The following THADA variants were observed in gnomAD, a reference collection of about 807,000 sequenced individuals.
The protein encoded by THADA is THADA armadillo repeat containing, also known as tRNA (32-2'-O)-methyltransferase regulator THADA.
Under a neutral mutation model 219.8 loss-of-function variants are expected in THADA, and 213 were observed. The ratio of observed to expected loss-of-function variants is 0.97; its 90% CI spans 0.87 to 1.09. THADA has a LOEUF of 1.09. THADA is among the 50% of genes least tolerant of loss of function. THADA has a pLI of 0.00. For synonymous variants in THADA, 1,018 were observed against 828.9 expected, an observed-to-expected ratio of 1.23 and a Z score of -3.92; for missense variants, 2,956 against 2,311.3, an observed-to-expected ratio of 1.28 and a Z score of -5.72.
intron 8 of THADA, 75 bp downstream of exon 8, chr2:43,581,666 T>C (rs1700473236): frequency 1.5e-6 from 2 of 1,311,844 alleles, no homozygotes; most frequent in South Asian, 2.6e-5. Flanking sequence ...TTCACACTAT[T>C]AGTAGGAAAA....
chr2:43,524,226 T>C (rs1018543164), intron 22 of THADA, among the ~76,000 whole-genome samples: 1 of 152,262 alleles, frequency 6.6e-6, no homozygotes, highest in African/African-American at 2.4e-5. Context: ...ATTTGTGTTA[T>C]GTGTGTTGCA....
chr2:43,569,974 G>C (rs1699112659), intron 14 of THADA, among the ~76,000 whole-genome samples: 2 of 152,156 alleles, frequency 1.3e-5, no homozygotes, highest in Non-Finnish European at 2.9e-5. Context: ...TCCCTCCACA[G>C]CTGGACCATG....
intron 30 of THADA, among the ~76,000 whole-genome samples, chr2:43,329,097 G>A (rs1271513471): frequency 2.0e-5 from 3 of 152,154 alleles, no homozygotes; most frequent in South Asian, 2.1e-4. Context: ...TTCCTTTTAC[G>A]AGAGATGCGT....
At chr2:43,357,297 C>A (rs997050823) in intron 29 of THADA, among the ~76,000 whole-genome samples, 1 of 151,848 alleles carries the variant, frequency 6.6e-6, no homozygotes, top group African/African-American at 2.4e-5. Flanking sequence ...TAAGACCCAA[C>A]TGATAGATGG....
At chr2:43,354,898 A>T (rs1668711262) in intron 29 of THADA, among the ~76,000 whole-genome samples, 1 of 151,980 alleles carries the variant, frequency 6.6e-6, no homozygotes, top group African/African-American at 2.4e-5. Context: ...AGTTCTCACG[A>T]GACCTGATGG....
rs1461709548 is a variant in THADA at position 43,566,807 on chromosome 2, G to T, written c.2202C>A (p.Ser734=). 2 of 1,452,690 alleles carry T rather than the reference G, an allele frequency of 1.4e-6. No homozygotes were observed. Among genetic ancestry groups the T allele is most frequent in the Non-Finnish European group, 1.8e-6 (2 of 1,102,724 alleles). The allele number at this position is 1,452,690 out of a possible 1,614,324, so 90.0% of individuals were successfully genotyped here. ...SLQQYKNFMS[S]ICNSLFEALF... ...ATGCTTCAAAAAGACTGTTACAAAT[G>T]GATGACATGAAATTCTTAAAAAAAA... is the stretch of plus-strand genomic sequence containing the variant. Residue 734 remains serine, a synonymous_variant, in exon 15 of 38, where the codon TCC becomes TCA. Transcript: ENST00000405975.
At position 43,232,797 on chromosome 2, in the gene THADA, C is replaced by G. The variant is rs756831818; in HGVS notation, c.5382G>C (p.Gln1794His). 31 of 1,613,348 alleles carry G rather than the reference C, an allele frequency of 1.9e-5. No individual in the cohort carries two copies. In the South Asian group the frequency reaches 3.1e-4, roughly 16 times the overall value. Residue 1794 changes from glutamine to histidine, a missense_variant, in exon 37 of 38, where the codon CAG (glutamine) becomes CAC (histidine). By Grantham distance (24) the Gln-to-His change is conservative. Coordinates refer to ENST00000405975, the MANE Select transcript of THADA (RefSeq NM_022065.5). Reference protein sequence around the residue: ...VLCDLLQQWDQLAPGLPILLG... With the variant: ...VLCDLLQQWDHLAPGLPILLG... ...GCAGGATGGGCAGTCCAGGGGCCAA[C>G]TGGTCCCACTGCTGGAGCAGATCAC...
chr2:43,317,590 G>C (rs1175627796), intron 31 of THADA, among the ~76,000 whole-genome samples: 1 of 152,176 alleles, frequency 6.6e-6, no homozygotes, highest in Non-Finnish European at 1.5e-5. Context: ...CACAAGAATA[G>C]ACTTCACTAC....
intron 22 of THADA, among the ~76,000 whole-genome samples, chr2:43,527,645 G>A (rs1035771388): frequency 5.3e-5 from 8 of 151,788 alleles, no homozygotes; most frequent in African/African-American, 1.9e-4. Context: ...AAATCTTTGA[G>A]TTTGCTTCAA....
At chr2:43,581,701 G>T in intron 8 of THADA, 40 bp downstream of exon 8, 2 of 1,546,038 alleles carry the variant, frequency 1.3e-6, no homozygotes, top group Non-Finnish European at 1.8e-6. Flanking sequence ...AATTTTAACT[G>T]TCAATTATAT....
At chr2:43,497,429 C>A (rs951748946) in intron 25 of THADA, among the ~76,000 whole-genome samples, 1 of 152,130 alleles carries the variant, frequency 6.6e-6, no homozygotes, top group Non-Finnish European at 1.5e-5. Flanking sequence ...AGCAAACTAA[C>A]ACAGGAACAG....
At chr2:43,253,480 C>G (rs955793724) in intron 36 of THADA, among the ~76,000 whole-genome samples, 2 of 152,170 alleles carry the variant, frequency 1.3e-5, no homozygotes, top group African/African-American at 4.8e-5. Flanking sequence ...GACATTTTCT[C>G]AATCCTCATC....
rs1173676180 is a variant in THADA, at chr2:43,350,760, G to GTTC, written c.4228-6524_4228-6523insGAA. On this transcript the variant is annotated intron_variant, in intron 29 of 37. Transcript: ENST00000405975. ...CACCAATCTGCTAGAGGGCCAGCCA[G>GTTC]GAAGCATTTCATGTGGTTGCTTCCC... is the stretch of plus-strand genomic sequence containing the variant. Among the ~76,000 whole-genome samples the GTTC allele has an allele frequency of 3.9e-5, 6 of 152,198 alleles. No homozygotes were observed. In the East Asian group the frequency reaches 1.2e-3, roughly 29 times the overall value.
chr2:43,374,408 G>A (rs955088285), intron 29 of THADA, among the ~76,000 whole-genome samples: 3 of 152,144 alleles, frequency 2.0e-5, no homozygotes, highest in African/African-American at 4.8e-5. Context: ...TTCTAGAACC[G>A]TTATGAGGAT....
Position 43,231,158 on chromosome 2 carries a change from CTG to C in THADA, c.5650_5651del (p.Gln1884ValfsTer10). 2 of 1,613,804 alleles carry C rather than the reference CTG, an allele frequency of 1.2e-6. No homozygotes were observed. Among genetic ancestry groups the C allele is most frequent in the Non-Finnish European group, 1.7e-6 (2 of 1,179,764 alleles). The part of the protein sequence containing the change: ...MVSEQCHLLS[Q>X]FFRELPPAAE... Reference sequence around the variant, plus strand: ...CAGCTGGTGGAAGCTCTCTGAAGAACTGAGACAGGAGGTGGCACTGCTCTGAC... The same window carrying C: ...CAGCTGGTGGAAGCTCTCTGAAGAACAGACAGGAGGTGGCACTGCTCTGAC... On this transcript the variant is annotated frameshift_variant, in exon 38 of 38. Coordinates refer to ENST00000405975, the MANE Select transcript of THADA (RefSeq NM_022065.5). LOFTEE classifies it high-confidence loss of function.
Position 43,573,010 on chromosome 2 carries a change from A to G in THADA, c.1730-18T>C. ...CTCTTGTCCTGAAAGCACAATAACA[A>G]AGACCATTACTGTATTATGCAATGA... On this transcript the variant is annotated intron_variant, in intron 11 of 37. Coordinates refer to ENST00000405975, the MANE Select transcript of THADA (RefSeq NM_022065.5). 1 of 1,610,194 alleles carries G rather than the reference A, an allele frequency of 6.2e-7. No individual in the cohort carries two copies. The highest frequency in any genetic ancestry group is 8.5e-7 in the Non-Finnish European group (1 of 1,178,230).
intron 31 of THADA, among the ~76,000 whole-genome samples, chr2:43,304,675 T>TG: frequency 6.7e-6 from 1 of 148,244 alleles, no homozygotes; most frequent in African/African-American, 2.4e-5. Flanking sequence ...CAGACTTCAT[T>TG]TTTTTTTTTT....
chr2:43,560,973 T>C (rs1012892487), intron 15 of THADA, among the ~76,000 whole-genome samples: 1 of 146,526 alleles, frequency 6.8e-6, no homozygotes, highest in African/African-American at 2.5e-5. Flanking sequence ...GCTGAGCTCA[T>C]GTCAGTGCAC....
chr2:43,344,128 G>A lies in THADA; in HGVS notation c.4337C>T (p.Ala1446Val). 6.2e-7 allele frequency: 1 copy of A among 1,606,550 alleles called. No individual in the cohort carries two copies. The highest frequency in any genetic ancestry group is 8.5e-7 in the Non-Finnish European group (1 of 1,176,032). Residue 1446 changes from alanine (A) to valine (V), a missense_variant, in exon 30 of 38, where the codon GCC (alanine) becomes GTC (valine). By Grantham distance (64) the Ala-to-Val change is moderately conservative. Coordinates refer to ENST00000405975, the MANE Select transcript of THADA (RefSeq NM_022065.5). ...TVCTKAKLWLAKRQNPCLVTR... is the reference protein window; with the variant it reads ...TVCTKAKLWLVKRQNPCLVTR... ...ATGTGGGATTTTAACATACCTCTTG[G>A]CCAGCCAGAGTTTGGCTTTGGTACA...
Sources: allele counts gnomAD v4.1 joint callset (sites outside exome capture counted in the v4.1 genomes callset), GRCh38; gene constraint gnomAD v4.1.1; transcripts MANE v1.5; gene names NCBI Gene and HGNC (gene_info 2026-07-23, HGNC 2026-07-21).